The following ZNF573 variants were observed in gnomAD, a reference collection of about 807,000 sequenced individuals.
ZNF573 encodes zinc finger protein 573.
In ZNF573, 41 loss-of-function variants were observed where a neutral mutation model predicts 57.4. The observed-to-expected ratio is 0.71, with a 90% confidence interval of 0.56 to 0.93. The LOEUF (loss-of-function observed/expected upper bound fraction) is 0.93, where lower values mean the gene tolerates loss of function less well. Ranked by LOEUF, ZNF573 falls within the 40% of genes least tolerant of loss-of-function variation. The probability of loss-of-function intolerance (pLI) is 0.00; values close to 1 mark genes in which losing one functional copy is unlikely to be tolerated. For synonymous variants in ZNF573, 249 were observed against 261.0 expected, an observed-to-expected ratio of 0.95 and a Z score of 0.44; for missense variants, 730 against 794.8, an observed-to-expected ratio of 0.92 and a Z score of 0.98.
At chr19:37,740,736 G>A in intron 4 of ZNF573, 2 of 374,656 alleles carry the variant, frequency 5.3e-6, no homozygotes, top group East Asian at 7.6e-5. Context: ...ATTGCCCCTT[G>A]GTATCTGTGG....
intron 4 of ZNF573, among the ~76,000 whole-genome samples, chr19:37,769,727 G>GAAAAAAAAAAA (rs397944905): frequency 3.6e-5 from 2 of 55,188 alleles, no homozygotes; most frequent in Non-Finnish European, 6.9e-5. Context: ...CTCTGTCTCG[G>GAAAAAAAAAAA]AAAAAAAAAA....
chr19:37,739,868 GCA>G lies in ZNF573; in HGVS notation c.620_621del (p.Val207AlafsTer8), dbSNP rs1568414638. On this transcript the variant is annotated frameshift_variant, in exon 5 of 5. Coordinates refer to ENST00000536220, the MANE Select transcript of ZNF573 (RefSeq NM_001172690.2). LOFTEE classifies it high-confidence loss of function. ...TTCTCACCAGTATGAAATCTCTGAT[GCA>G]CAGTCAGCTGATAACCACTTCTAAA... ...KNFRSGYQLT[V>X]HQRFHTGEKT... 2.5e-6 allele frequency: 4 copies of G among 1,614,012 alleles called. No homozygotes were observed. The South Asian group carries it at 3.3e-5, about 13-fold the overall frequency.
At chr19:37,758,200 AAAATATATATATATATATATAT>A (rs2045510085) in intron 4 of ZNF573, among the ~76,000 whole-genome samples, 1 of 13,974 alleles carries the variant, frequency 7.2e-5, no homozygotes, top group African/African-American at 1.3e-4. Context: ...AAAGTATAAT[AAAATATATATATATATATATAT>A]ATATATATAT....
At chr19:37,773,158 T>A (rs2045674641) in intron 2 of ZNF573, among the ~76,000 whole-genome samples, 2 of 152,230 alleles carry the variant, frequency 1.3e-5, no homozygotes, top group Non-Finnish European at 2.9e-5. Flanking sequence ...TGTCTCTCAG[T>A]AATTCTTTGA....
chr19:37,766,871 A>G (rs1431474242), intron 4 of ZNF573, among the ~76,000 whole-genome samples: 1 of 152,192 alleles, frequency 6.6e-6, no homozygotes, highest in Non-Finnish European at 1.5e-5. Flanking sequence ...CAGTGAAATA[A>G]ATCTAGCATA....
At chr19:37,769,095 G>A (rs913498594) in intron 4 of ZNF573, among the ~76,000 whole-genome samples, 8 of 151,802 alleles carry the variant, frequency 5.3e-5, no homozygotes, top group African/African-American at 1.7e-4. Flanking sequence ...CTCCCAAATA[G>A]CTGGGATTAC....
At chr19:37,776,150 G>A (rs1350811946) in intron 1 of ZNF573, among the ~76,000 whole-genome samples, 1 of 151,968 alleles carries the variant, frequency 6.6e-6, no homozygotes, top group Admixed American at 6.6e-5. Context: ...AATGCATATG[G>A]AACAAAAAAA....
chr19:37,779,088 G>C (rs1011021318), intron 1 of ZNF573, among the ~76,000 whole-genome samples: 5 of 152,112 alleles, frequency 3.3e-5, no homozygotes, highest in African/African-American at 1.2e-4. Context: ...GGAGGGAGGA[G>C]AGAAGCAGCA....
At chr19:37,744,100 T>A (rs2145280389) in intron 4 of ZNF573, among the ~76,000 whole-genome samples, 1 of 150,730 alleles carries the variant, frequency 6.6e-6, no homozygotes, top group South Asian at 2.1e-4. Flanking sequence ...TGTATCCATG[T>A]ATCCTGTTTT....
At chr19:37,755,963 TGGG>T (rs2045483795) in intron 4 of ZNF573, among the ~76,000 whole-genome samples, 1 of 152,202 alleles carries the variant, frequency 6.6e-6, no homozygotes, top group Admixed American at 6.5e-5. Context: ...GCCCACTACT[TGGG>T]CTCAACCCTG....
chr19:37,770,896 G>T, intron 3 of ZNF573, among the ~76,000 whole-genome samples: 1 of 117,374 alleles, frequency 8.5e-6, no homozygotes, highest in Non-Finnish European at 1.6e-5. Context: ...CCAAAGAGTG[G>T]CTGGGGACAT....
At chr19:37,758,305 T>TAA (rs779955283) in intron 4 of ZNF573, among the ~76,000 whole-genome samples, 4 of 87,748 alleles carry the variant, frequency 4.6e-5, no homozygotes, top group African/African-American at 1.6e-4. Flanking sequence ...GCACGTTTTT[T>TAA]AAAAAAAAAA....
At position 37,769,746 on chromosome 19, in the gene ZNF573, A is replaced by G. The variant is rs898533200; in HGVS notation, c.295+259T>C. 9.3e-5 allele frequency among the ~76,000 whole-genome samples: 14 copies of G among 151,188 alleles called. No homozygotes were observed. The South Asian group carries it at 1.0e-3, about 11-fold the overall frequency. ...GTCTCGGAAAAAAAAAAAAAAAAAA[A>G]AAAAGAAAAGAAAAAAGAAAGCCCC... On this transcript the variant is annotated intron_variant, in intron 4 of 4. Transcript: ENST00000536220.
In ZNF573 at chr19:37,739,583, T is replaced by C. The variant is rs2045303147; in HGVS notation, c.907A>G (p.Ile303Val). Reference sequence around the variant, plus strand: ...AAGGCCTTTCCACATTTCTCACATATGTATGGCTTCTCATCAGTATGAAAC... The same window carrying C: ...AAGGCCTTTCCACATTTCTCACATACGTATGGCTTCTCATCAGTATGAAAC... ...GQFHTDEKPY[I>V]CEKCGKAFRR... The change falls in exon 5 of 5, where the codon ATA becomes GTA. Residue 303 changes from isoleucine (I) to valine (V), a missense_variant. Ile to Val is a conservative substitution (Grantham distance 29). Coordinates refer to ENST00000536220, the MANE Select transcript of ZNF573 (RefSeq NM_001172690.2). The C allele has an allele frequency of 3.1e-6, 5 of 1,613,936 alleles. No individual in the cohort carries two copies. The highest frequency in any genetic ancestry group is 4.2e-6 in the Non-Finnish European group (5 of 1,179,972).
At chr19:37,758,242 TATATATATATATATATATATATAA>T (rs2045513912) in intron 4 of ZNF573, among the ~76,000 whole-genome samples, 1 of 72,022 alleles carries the variant, frequency 1.4e-5, no homozygotes, top group Non-Finnish European at 2.8e-5. Context: ...TATATATATA[TATATATATATATATATATATATAA>T]AATTACCCAG....
In ZNF573 at chr19:37,777,626, G is replaced by A. The variant is rs2045721548; in HGVS notation, c.-23+1918C>T. Among the ~76,000 whole-genome samples, 3 of 152,014 alleles carry A rather than the reference G, an allele frequency of 2.0e-5. No individual in the cohort carries two copies. In the South Asian group the frequency reaches 6.2e-4, roughly 31 times the overall value. On this transcript the variant is annotated intron_variant, in intron 1 of 4. Transcript: ENST00000536220. Reference sequence around the variant, plus strand: ...TGCAAAGACATAATAATGATATAATGGATCTCAGGAGGCTGAGGCAGGGGA... The same window carrying A: ...TGCAAAGACATAATAATGATATAATAGATCTCAGGAGGCTGAGGCAGGGGA...
chr19:37,758,972 A>G (rs2045524996), intron 4 of ZNF573: 2 of 386,306 alleles, frequency 5.2e-6, no homozygotes, highest in Non-Finnish European at 7.0e-6. Flanking sequence ...TTTCTAATAT[A>G]TCAATAATAA....
At chr19:37,752,674 C>T (rs764458626) in intron 4 of ZNF573, among the ~76,000 whole-genome samples, 58 of 152,026 alleles carry the variant, frequency 3.8e-4, no homozygotes, top group Non-Finnish European at 6.8e-4. Flanking sequence ...TTGCTCTGTT[C>T]CCTAGGCTGG....
chr19:37,744,569 C>A (rs890773055), intron 4 of ZNF573, among the ~76,000 whole-genome samples: 1 of 151,502 alleles, frequency 6.6e-6, no homozygotes, highest in African/African-American at 2.4e-5. Flanking sequence ...AAGACCTCTT[C>A]TTTACAAAAA....
Sources: allele counts gnomAD v4.1 joint callset (sites outside exome capture counted in the v4.1 genomes callset), GRCh38; gene constraint gnomAD v4.1.1; transcripts MANE v1.5; gene names NCBI Gene and HGNC (gene_info 2026-07-23, HGNC 2026-07-21).